MKRN3: variants seen among roughly 807,000 people sequenced by gnomAD.
The protein encoded by MKRN3 is makorin ring finger protein 3.
For synonymous variants in MKRN3, 301 were observed against 250.2 expected, an observed-to-expected ratio of 1.20 and a Z score of -1.91; for missense variants, 749 against 667.0, an observed-to-expected ratio of 1.12 and a Z score of -1.35.
chr15:23,567,121 G>C lies in MKRN3; in HGVS notation c.1339G>C (p.Glu447Gln). The C allele has an allele frequency of 6.2e-7, 1 of 1,614,222 alleles. No homozygotes were observed. The highest frequency in any genetic ancestry group is 1.1e-5 in the South Asian group (1 of 91,082). ...CAGCGCATACTGGCATCAACTTGTG[G>C]AGCCTGTGCGAATGGGAGAGGGCAA... ...SFSAYWHQLV[E>Q]PVRMGEGNML... Residue 447 changes from glutamate to glutamine, a missense_variant, in exon 1 of 1, where the codon GAG becomes CAG. Coordinates refer to ENST00000314520, the MANE Select transcript of MKRN3 (RefSeq NM_005664.4).
In MKRN3 at chr15:23,567,525, C is replaced by T. The variant is rs1270716802; in HGVS notation, c.*219C>T. 7.2e-7 allele frequency: 1 copy of T among 1,389,718 alleles called. No individual in the cohort carries two copies. The highest frequency in any genetic ancestry group is 2.8e-5 in the East Asian group (1 of 36,142). The allele number at this position is 1,389,718 out of a possible 1,614,324, so 86.1% of individuals were successfully genotyped here. On this transcript the variant is annotated 3_prime_UTR_variant, in exon 1 of 1. Transcript: ENST00000314520. ...GTTTTGGTGAAATTAATATTAATGT[C>T]AGCTTATGGCTTTTTTTTGTCATCT...
In MKRN3 at chr15:23,566,015, CAGG is replaced by C; in HGVS notation, c.242_244del (p.Gly81del). The C allele has an allele frequency of 1.2e-6, 2 of 1,613,952 alleles. No individual in the cohort carries two copies. Among genetic ancestry groups the C allele is most frequent in the Middle Eastern group, 1.7e-4 (1 of 6,036 alleles). On this transcript the variant is annotated inframe_deletion, in exon 1 of 1. Transcript: ENST00000314520. ...GGAGGCCTGAGGCCTGCCCCAGCCT[CAGG>C]AGGAGGAGCCTGGCCCAGTCCGTTG...
chr15:23,567,535 C>CTT lies in MKRN3; in HGVS notation c.*236_*237dup. ...AATTAATATTAATGTCAGCTTATGG[C>CTT]TTTTTTTTGTCATCTCTGTTGTCAA... On this transcript the variant is annotated 3_prime_UTR_variant, in exon 1 of 1. Coordinates refer to ENST00000314520, the MANE Select transcript of MKRN3 (RefSeq NM_005664.4). 7.3e-7 allele frequency: 1 copy of CTT among 1,372,020 alleles called. No homozygotes were observed. Among genetic ancestry groups the CTT allele is most frequent in the East Asian group, 2.9e-5 (1 of 34,668 alleles). 85.0% of individuals were successfully genotyped at this position (1,372,020 alleles called of 1,614,324 possible).
chr15:23,566,176 G>A lies in MKRN3; in HGVS notation c.394G>A (p.Val132Ile), dbSNP rs201431738. ...TCGGAAGATGGCCACTGAGGGTGGC[G>A]TTTCGCCGCCTGGGGCCTCTGCAGG... Reference protein sequence around the residue: ...SGRKMATEGGVSPPGASAGGG... With the variant: ...SGRKMATEGGISPPGASAGGG... Residue 132 changes from valine (V) to isoleucine (I), a missense_variant, in exon 1 of 1, where the codon GTT (valine) becomes ATT (isoleucine). Physicochemically the swap from Val to Ile is conservative, Grantham distance 29. Coordinates refer to ENST00000314520, the MANE Select transcript of MKRN3 (RefSeq NM_005664.4). The A allele has an allele frequency of 3.2e-5, 52 of 1,613,880 alleles. No individual in the cohort carries two copies. The highest frequency in any genetic ancestry group is 7.7e-5 in the South Asian group (7 of 91,084).
Position 23,565,924 on chromosome 15 carries a change from C to G in MKRN3, c.142C>G (p.Leu48Val). Reference sequence around the variant, plus strand: ...GGAATCTGCTGCTCCAGATTCAGCCCTGCCACATGCGGCAAGGGGCTGGGC... The same window carrying G: ...GGAATCTGCTGCTCCAGATTCAGCCGTGCCACATGCGGCAAGGGGCTGGGC... ...SGESAAPDSA[L>V]PHAARGWAPF... Residue 48 changes from leucine to valine, a missense_variant, in exon 1 of 1, where the codon CTG becomes GTG. Physicochemically the swap from Leu to Val is conservative, Grantham distance 32. Transcript: ENST00000314520. 1 of 1,613,992 alleles carries G rather than the reference C, an allele frequency of 6.2e-7. No homozygotes were observed. The highest frequency in any genetic ancestry group is 8.5e-7 in the Non-Finnish European group (1 of 1,179,988).
rs1000780930 is a variant in MKRN3, at chr15:23,566,385, G to A, written c.603G>A (p.Ala201=). 8 of 1,613,996 alleles carry A rather than the reference G, an allele frequency of 5.0e-6. No individual in the cohort carries two copies. The highest frequency in any genetic ancestry group is 2.7e-5 in the African/African-American group (2 of 74,908). ...AAGGAGVESW[A]DAIEFVPGQP... The stretch of plus-strand genomic sequence containing the variant: ...GAGGAGCAGGTGTAGAAAGCTGGGC[G>A]GATGCCATTGAGTTTGTTCCAGGGC... Residue 201 remains alanine, a synonymous_variant, in exon 1 of 1, where the codon GCG becomes GCA. Transcript: ENST00000314520.
chr15:23,566,419 C>A lies in MKRN3; in HGVS notation c.637C>A (p.Arg213=), dbSNP rs756685502. ...TGAGTTTGTTCCAGGGCAGCCCTACCGGGGCCGCTGGGTTGCATCTGCCCC... is the reference window on the plus strand; with the variant it reads ...TGAGTTTGTTCCAGGGCAGCCCTACAGGGGCCGCTGGGTTGCATCTGCCCC... The part of the protein sequence containing the change: ...AIEFVPGQPY[R]GRWVASAPEA... The change falls in exon 1 of 1, where the codon CGG becomes AGG. Residue 213 remains arginine (R), a synonymous_variant. Coordinates refer to ENST00000314520, the MANE Select transcript of MKRN3 (RefSeq NM_005664.4). 5.0e-6 allele frequency: 8 copies of A among 1,614,112 alleles called. No homozygotes were observed. The highest frequency in any genetic ancestry group is 6.8e-6 in the Non-Finnish European group (8 of 1,180,012).
Position 23,566,091 on chromosome 15 carries a change from T to C in MKRN3, c.309T>C (p.Tyr103=). ...GGACAAAGCAGATCATCTGCAGGTA[T>C]TATATACATGGGCAGTGCAAGGAGG... ...GIWTKQIICR[Y]YIHGQCKEGE... Residue 103 remains tyrosine (Y), a synonymous_variant, in exon 1 of 1, where the codon TAT becomes TAC. Coordinates refer to ENST00000314520, the MANE Select transcript of MKRN3 (RefSeq NM_005664.4). The C allele has an allele frequency of 6.2e-7, 1 of 1,614,132 alleles. No homozygotes were observed. The highest frequency in any genetic ancestry group is 1.1e-5 in the South Asian group (1 of 91,090).
In MKRN3 at chr15:23,566,022, A is replaced by G. The variant is rs1241513151; in HGVS notation, c.240A>G (p.Gly80=). The change falls in exon 1 of 1, where the codon GGA becomes GGG. Residue 80 remains glycine (G), a synonymous_variant. Coordinates refer to ENST00000314520, the MANE Select transcript of MKRN3 (RefSeq NM_005664.4). The part of the protein sequence containing the change: ...GGLRPAPASG[G]GAWPSPLPSR... The stretch of plus-strand genomic sequence containing the variant: ...TGAGGCCTGCCCCAGCCTCAGGAGG[A>G]GGAGCCTGGCCCAGTCCGTTGCCAA... The G allele has an allele frequency of 6.2e-7, 1 of 1,613,852 alleles. No individual in the cohort carries two copies. The highest frequency in any genetic ancestry group is 1.3e-5 in the African/African-American group (1 of 74,950).
rs1033152374 is a variant in MKRN3 at position 23,566,388 on chromosome 15, T to A, written c.606T>A (p.Asp202Glu). 2 of 1,613,886 alleles carry A rather than the reference T, an allele frequency of 1.2e-6. No homozygotes were observed. The highest frequency in any genetic ancestry group is 3.3e-5 in the Admixed American group (2 of 60,002). ...GAGCAGGTGTAGAAAGCTGGGCGGA[T>A]GCCATTGAGTTTGTTCCAGGGCAGC... ...AGGAGVESWA[D>E]AIEFVPGQPY... Residue 202 changes from aspartate (D) to glutamate (E), a missense_variant, in exon 1 of 1, where the codon GAT (aspartate) becomes GAA (glutamate). Coordinates refer to ENST00000314520, the MANE Select transcript of MKRN3 (RefSeq NM_005664.4).
rs1366034850 is a variant in MKRN3, at chr15:23,566,394, T to G, written c.612T>G (p.Ile204Met). 7 of 1,613,330 alleles carry G rather than the reference T, an allele frequency of 4.3e-6. No homozygotes were observed. Among genetic ancestry groups the G allele is most frequent in the Admixed American group, 3.3e-5 (2 of 59,948 alleles). ...GTGTAGAAAGCTGGGCGGATGCCAT[T>G]GAGTTTGTTCCAGGGCAGCCCTACC... ...GAGVESWADAIEFVPGQPYRG... is the reference protein window; with the variant it reads ...GAGVESWADAMEFVPGQPYRG... The change falls in exon 1 of 1, where the codon ATT becomes ATG. Residue 204 changes from isoleucine (I) to methionine (M), a missense_variant. Transcript: ENST00000314520.
Position 23,566,431 on chromosome 15 carries a change from G to C in MKRN3, c.649G>C (p.Val217Leu), listed in dbSNP as rs565336488. 5.6e-6 allele frequency: 9 copies of C among 1,614,142 alleles called. No homozygotes were observed. The highest frequency in any genetic ancestry group is 7.6e-6 in the Non-Finnish European group (9 of 1,180,004). Residue 217 changes from valine to leucine, a missense_variant, in exon 1 of 1, where the codon GTT becomes CTT. Physicochemically the swap from Val to Leu is conservative, Grantham distance 32. Coordinates refer to ENST00000314520, the MANE Select transcript of MKRN3 (RefSeq NM_005664.4). Reference sequence around the variant, plus strand: ...AGGGCAGCCCTACCGGGGCCGCTGGGTTGCATCTGCCCCCGAGGCTCCTCT... The same window carrying C: ...AGGGCAGCCCTACCGGGGCCGCTGGCTTGCATCTGCCCCCGAGGCTCCTCT... ...VPGQPYRGRW[V>L]ASAPEAPLQS...
chr15:23,566,810 G>A lies in MKRN3; in HGVS notation c.1028G>A (p.Cys343Tyr). 1 of 1,614,256 alleles carries A rather than the reference G, an allele frequency of 6.2e-7. No individual in the cohort carries two copies. The highest frequency in any genetic ancestry group is 2.2e-5 in the East Asian group (1 of 44,882). ...TGCAACCATTCCTTCTGTATTAGGT[G>A]TATCCGCAGGTGGAGAAGTGCCAGA... is the stretch of plus-strand genomic sequence containing the variant. Reference protein sequence around the residue: ...SNCNHSFCIRCIRRWRSARQF... With the variant: ...SNCNHSFCIRYIRRWRSARQF... Residue 343 changes from cysteine (C) to tyrosine (Y), a missense_variant, in exon 1 of 1, where the codon TGT becomes TAT. Coordinates refer to ENST00000314520, the MANE Select transcript of MKRN3 (RefSeq NM_005664.4).
Position 23,567,390 on chromosome 15 carries a change from C to T in MKRN3, c.*84C>T. ...TTTCCCTGTGTTGACACTCTTACTG[C>T]TTTCAGGGGCTGTTGAGGCAGTGCT... On this transcript the variant is annotated 3_prime_UTR_variant, in exon 1 of 1. Coordinates refer to ENST00000314520, the MANE Select transcript of MKRN3 (RefSeq NM_005664.4). 1 of 1,544,956 alleles carries T rather than the reference C, an allele frequency of 6.5e-7. No homozygotes were observed. Among genetic ancestry groups the T allele is most frequent in the East Asian group, 2.3e-5 (1 of 44,330 alleles).
At position 23,566,979 on chromosome 15, in the gene MKRN3, C is replaced by T. The variant is rs1445431801; in HGVS notation, c.1197C>T (p.Ala399=). Residue 399 remains alanine, a synonymous_variant, in exon 1 of 1, where the codon GCC becomes GCT. Transcript: ENST00000314520. The part of the protein sequence containing the change: ...QQYKEAMSNK[A]CRYFAEGRGN... ...ACAAGGAGGCAATGAGCAACAAGGC[C>T]TGCAGGTATTTTGCGGAAGGCAGGG... is the stretch of plus-strand genomic sequence containing the variant. 1.9e-6 allele frequency: 3 copies of T among 1,614,100 alleles called. No individual in the cohort carries two copies. In the African/African-American group the frequency reaches 4.0e-5, roughly 22 times the overall value.
rs989635729 is a variant in MKRN3 at position 23,565,879 on chromosome 15, C to G, written c.97C>G (p.Pro33Ala). Residue 33 changes from proline to alanine, a missense_variant, in exon 1 of 1, where the codon CCC becomes GCC. Transcript: ENST00000314520. ...GGAGGGTGTGTCTGGGCCGGACCTT[C>G]CCGTCTGTGAGCCCTCCGGGGAATC... ...AREGVSGPDL[P>A]VCEPSGESAA... The G allele has an allele frequency of 1.7e-5, 27 of 1,613,764 alleles. No individual in the cohort carries two copies. The highest frequency in any genetic ancestry group is 2.3e-5 in the Non-Finnish European group (27 of 1,179,934).
chr15:23,567,000 C>T lies in MKRN3; in HGVS notation c.1218C>T (p.Gly406=), dbSNP rs1307017272. The T allele has an allele frequency of 2.5e-6, 4 of 1,614,094 alleles. No individual in the cohort carries two copies. The Admixed American group carries it at 5.0e-5, about 20-fold the overall frequency. ...AGGCCTGCAGGTATTTTGCGGAAGG[C>T]AGGGGTAACTGCCCATTTGGAGACA... ...SNKACRYFAE[G]RGNCPFGDTC... Residue 406 remains glycine (G), a synonymous_variant, in exon 1 of 1, where the codon GGC becomes GGT. Coordinates refer to ENST00000314520, the MANE Select transcript of MKRN3 (RefSeq NM_005664.4).
Position 23,565,776 on chromosome 15 carries a change from A to T in MKRN3, c.-7A>T. 1 of 1,580,268 alleles carries T rather than the reference A, an allele frequency of 6.3e-7. No individual in the cohort carries two copies. The highest frequency in any genetic ancestry group is 8.6e-7 in the Non-Finnish European group (1 of 1,159,456). ...TTCTGGCACCATTTCGGGGTGCCAA[A>T]GCAGCCATGGAAGAGCCTGCAGCTC... On this transcript the variant is annotated 5_prime_UTR_variant, in exon 1 of 1. In the 5' UTR this introduces an upstream ATG that the reference lacks. Coordinates refer to ENST00000314520, the MANE Select transcript of MKRN3 (RefSeq NM_005664.4).
chr15:23,567,832 A>T lies in MKRN3; in HGVS notation c.*526A>T, dbSNP rs1246081170. ...GTTTTACTTGACCAAAACCAAGTGT[A>T]TATGTTTACATGTTTTTATCCTGTT... On this transcript the variant is annotated 3_prime_UTR_variant, in exon 1 of 1. Transcript: ENST00000314520. 1 of 993,862 alleles carries T rather than the reference A, an allele frequency of 1.0e-6. No homozygotes were observed. Among genetic ancestry groups the T allele is most frequent in the Non-Finnish European group, 1.2e-6 (1 of 824,390 alleles). The allele number at this position is 993,862 out of a possible 1,614,324, so 61.6% of individuals were successfully genotyped here.
Sources: allele counts gnomAD v4.1 joint callset, GRCh38; gene constraint gnomAD v4.1.1; transcripts MANE v1.5; gene names NCBI Gene and HGNC (gene_info 2026-07-23, HGNC 2026-07-21).